VAV2: variants seen among roughly 807,000 people sequenced by gnomAD.
VAV2 encodes the protein guanine nucleotide exchange factor VAV2.
In VAV2, 67 loss-of-function variants were observed where a neutral mutation model predicts 132.5. The observed-to-expected ratio is 0.51, with a 90% CI of 0.42 to 0.62. The LOEUF is 0.62. VAV2 is among the 20% of genes least tolerant of loss of function. The pLI is 0.00. For missense variants in VAV2, 938 were observed against 1,153.6 expected, an observed-to-expected ratio of 0.81 and a Z score of 2.71; for synonymous variants, 492 against 443.5, an observed-to-expected ratio of 1.11 and a Z score of -1.37.
intron 1 of VAV2, among the ~76,000 whole-genome samples, chr9:133,980,237 G>A (rs1007453107): frequency 6.6e-6 from 1 of 152,200 alleles, no homozygotes; most frequent in Non-Finnish European, 1.5e-5. Context: ...TGGCGCTCCA[G>A]AGGCAAGAGA....
At chr9:133,849,994 C>G (rs1837102283) in intron 3 of VAV2, among the ~76,000 whole-genome samples, 1 of 152,208 alleles carries the variant, frequency 6.6e-6, no homozygotes, top group South Asian at 2.1e-4. Flanking sequence ...CCATACACCC[C>G]CTTCTCTCAG....
At chr9:133,968,529 G>A (rs941027648) in intron 1 of VAV2, among the ~76,000 whole-genome samples, 2 of 152,126 alleles carry the variant, frequency 1.3e-5, no homozygotes, top group African/African-American at 4.8e-5. Flanking sequence ...CGCGCTCGGG[G>A]CCAGTCCCAT....
At chr9:133,787,202 G>T in intron 16 of VAV2, 44 bp downstream of exon 16, 1 of 1,547,670 alleles carries the variant, frequency 6.5e-7, no homozygotes. Context: ...CACCAGGCTG[G>T]GATGATTGAG....
intron 12 of VAV2, among the ~76,000 whole-genome samples, chr9:133,792,320 TTGTGTG>T (rs1244354275): frequency 7.8e-6 from 1 of 127,658 alleles, no homozygotes; most frequent in Non-Finnish European, 1.6e-5. Context: ...GTGTGTGTGA[TTGTGTG>T]TATGTGTGAG....
chr9:133,960,591 G>C (rs148721286), intron 1 of VAV2, among the ~76,000 whole-genome samples: 41 of 152,360 alleles, frequency 2.7e-4, no homozygotes, highest in African/African-American at 9.9e-4. Flanking sequence ...ACTTATCTGC[G>C]GAGAAAACGG....
chr9:133,915,345 C>G (rs1461040759), intron 2 of VAV2, among the ~76,000 whole-genome samples: 1 of 152,208 alleles, frequency 6.6e-6, no homozygotes, highest in African/African-American at 2.4e-5. Flanking sequence ...ACCCCTCAAC[C>G]TGATATTTTC....
At chr9:133,836,674 A>G (rs1309604779) in intron 3 of VAV2, among the ~76,000 whole-genome samples, 1 of 152,216 alleles carries the variant, frequency 6.6e-6, no homozygotes, top group Non-Finnish European at 1.5e-5. Context: ...CTGATCACAG[A>G]GTGTGGGCGA....
chr9:133,916,396 G>C (rs540415541), intron 2 of VAV2, among the ~76,000 whole-genome samples: 1 of 152,250 alleles, frequency 6.6e-6, no homozygotes, highest in Non-Finnish European at 1.5e-5. Flanking sequence ...TTGTAGAAAG[G>C]GAAGGTGGTG....
Position 133,885,412 on chromosome 9 carries a change from C to T in VAV2, c.322-23980G>A, listed in dbSNP as rs1448928007. 1.3e-5 allele frequency among the ~76,000 whole-genome samples: 2 copies of T among 152,236 alleles called. No homozygotes were observed. Among genetic ancestry groups the T allele is most frequent in the Non-Finnish European group, 2.9e-5 (2 of 68,044 alleles). On this transcript the variant is annotated intron_variant, in intron 2 of 29. Transcript: ENST00000371850. The surrounding 1 kb of genome is among the most constrained non-coding windows in gnomAD (Gnocchi z 5.0). The stretch of plus-strand genomic sequence containing the variant: ...AAACATGGCCCAGCGATTTGTGTTT[C>T]TCAGAGCCCTCTCATTCCAAAACAA...
In VAV2 at chr9:133,914,565, G is replaced by A. The variant is rs115037063; in HGVS notation, c.321+24538C>T. 5.3e-3 allele frequency among the ~76,000 whole-genome samples: 714 copies of A among 135,384 alleles called. 6 individuals carry two copies. The highest frequency in any genetic ancestry group is 0.019 in the African/African-American group (673 of 34,890). The allele number at this position is 135,384 out of a possible 152,430, so 88.8% of individuals were successfully genotyped here. On this transcript the variant is annotated intron_variant, in intron 2 of 29. Transcript: ENST00000371850. ...GCAGTGGGGATGGGGTGGGGGTGAC[G>A]GCTGCCAAGGGATGGGATTTCTGCT...
Position 133,788,910 on chromosome 9 carries a change from G to A in VAV2, c.1274+348C>T, listed in dbSNP as rs940413662. 2.6e-5 allele frequency among the ~76,000 whole-genome samples: 4 copies of A among 152,176 alleles called. No homozygotes were observed. Among genetic ancestry groups the A allele is most frequent in the Non-Finnish European group, 4.4e-5 (3 of 68,026 alleles). ...GCCCTGGACAAGCCTGGGCCACCGTGCGCCTGGACACTCTCCGGCAGTCAT... is the reference window on the plus strand; with the variant it reads ...GCCCTGGACAAGCCTGGGCCACCGTACGCCTGGACACTCTCCGGCAGTCAT... On this transcript the variant is annotated intron_variant, in intron 14 of 29. Coordinates refer to ENST00000371850, the MANE Select transcript of VAV2 (RefSeq NM_001134398.2). The surrounding 1 kb of genome is among the most constrained non-coding windows in gnomAD (Gnocchi z 5.3).
At chr9:133,887,296 C>T (rs1838750620) in intron 2 of VAV2, among the ~76,000 whole-genome samples, 1 of 152,136 alleles carries the variant, frequency 6.6e-6, no homozygotes, top group Non-Finnish European at 1.5e-5. Context: ...CCCAGACCCC[C>T]TTGGATGGGA....
At chr9:133,865,493 G>A (rs1837762419) in intron 2 of VAV2, among the ~76,000 whole-genome samples, 1 of 151,876 alleles carries the variant, frequency 6.6e-6, no homozygotes, top group African/African-American at 2.4e-5. Flanking sequence ...CTAGACTACT[G>A]TTTAAGACAC....
intron 4 of VAV2, among the ~76,000 whole-genome samples, chr9:133,821,599 A>C (rs1588223193): frequency 6.6e-6 from 1 of 152,220 alleles, no homozygotes; most frequent in Non-Finnish European, 1.5e-5. Context: ...GGCATTTAGC[A>C]CAGGGGCCGG....
At chr9:133,859,863 G>A (rs938684320) in intron 3 of VAV2, among the ~76,000 whole-genome samples, 1 of 152,216 alleles carries the variant, frequency 6.6e-6, no homozygotes, top group African/African-American at 2.4e-5. Flanking sequence ...CTATGCACCT[G>A]GCGGAGGGAC....
chr9:133,855,567 G>C (rs370422582), intron 3 of VAV2, among the ~76,000 whole-genome samples: 10 of 152,278 alleles, frequency 6.6e-5, no homozygotes, highest in African/African-American at 2.2e-4. Flanking sequence ...GAGGGCACCC[G>C]GCCTCTCCCT....
intron 3 of VAV2, among the ~76,000 whole-genome samples, chr9:133,844,985 C>T (rs1013627307): frequency 6.6e-6 from 1 of 152,258 alleles, no homozygotes; most frequent in African/African-American, 2.4e-5. Flanking sequence ...CTGTCAGCTA[C>T]TGGAAACACC....
In VAV2 at chr9:133,989,953, C is replaced by T. The variant is rs116340966; in HGVS notation, c.204+2122G>A. 4.5e-3 allele frequency among the ~76,000 whole-genome samples: 689 copies of T among 152,364 alleles called. 2 individuals carry two copies. Among genetic ancestry groups the T allele is most frequent in the African/African-American group, 0.014 (600 of 41,584 alleles). On this transcript the variant is annotated intron_variant, in intron 1 of 29. Transcript: ENST00000371850. ...TCAGCCTCAGCGACACAGGGCACTACGTGCCACAGTCCAGGTGACGGTCAT... is the reference window on the plus strand; with the variant it reads ...TCAGCCTCAGCGACACAGGGCACTATGTGCCACAGTCCAGGTGACGGTCAT...
intron 2 of VAV2, among the ~76,000 whole-genome samples, chr9:133,862,999 C>T (rs1453518079): frequency 1.3e-5 from 2 of 152,180 alleles, no homozygotes; most frequent in African/African-American, 4.8e-5. Context: ...GGACAGGGTC[C>T]TTCTGTGCTT....
Sources: gnomAD v4.1 joint callset for allele counts (sites outside exome capture counted in the v4.1 genomes callset) on GRCh38, gnomAD v4.1.1 for gene constraint, Gnocchi (gnomAD v3.1) non-coding constraint, MANE v1.5 for transcripts, NCBI Gene and HGNC (gene_info 2026-07-23, HGNC 2026-07-21) for gene names.